Variants in TTL observed in about 807,000 individuals in gnomAD.
TTL encodes tubulin--tyrosine ligase.
In TTL, 10 loss-of-function variants were observed where a neutral mutation model predicts 41.1. The ratio of observed to expected loss-of-function variants is 0.24; its 90% CI spans 0.15 to 0.41. TTL has a LOEUF of 0.41. Among genes scored for constraint, TTL ranks in the 10% least tolerant of loss-of-function variants. TTL has a pLI of 1.00. For synonymous variants in TTL, 175 were observed against 175.5 expected, an observed-to-expected ratio of 1.00 and a Z score of 0.02; for missense variants, 367 against 460.4, an observed-to-expected ratio of 0.80 and a Z score of 1.86.
Position 112,528,677 on chromosome 2 carries a change from T to G in TTL, c.1020-4T>G. 6.2e-7 allele frequency: 1 copy of G among 1,610,000 alleles called. No homozygotes were observed. Among genetic ancestry groups the G allele is most frequent in the Middle Eastern group, 1.7e-4 (1 of 6,046 alleles). ...TCAATGATATTTTTAAAAACACATT[T>G]CAGGAAGCTCTATGCAGAACTGTGC... On this transcript the variant is annotated splice_region_variant and splice_polypyrimidine_tract_variant and intron_variant, in intron 6 of 6. Coordinates refer to ENST00000233336, the MANE Select transcript of TTL (RefSeq NM_153712.5).
chr2:112,532,801 G>A lies in TTL; in HGVS notation c.*4006G>A. The A allele has an allele frequency of 1.3e-5, 1 of 79,762 alleles. No homozygotes were observed. The allele number at this position is 79,762 out of a possible 1,614,324, so 4.9% of individuals were successfully genotyped here. A position where few individuals can be genotyped will look rare whatever the true frequency, so the allele number is the denominator to read the frequency against. On this transcript the variant is annotated 3_prime_UTR_variant, in exon 7 of 7. Coordinates refer to ENST00000233336, the MANE Select transcript of TTL (RefSeq NM_153712.5). The stretch of plus-strand genomic sequence containing the variant: ...TAGGCCGTATAAAAGCAGGCCAGAT[G>A]TGCAGTAATTTGCTGACCCCAGGAT...
At chr2:112,489,198 G>A (rs1334991606) in intron 2 of TTL, among the ~76,000 whole-genome samples, 3 of 152,024 alleles carry the variant, frequency 2.0e-5, no homozygotes, top group African/African-American at 4.8e-5. Context: ...TATATTTTAC[G>A]TTCTTTTATT....
intron 4 of TTL, among the ~76,000 whole-genome samples, chr2:112,502,157 C>T (rs1471310227): frequency 1.3e-5 from 2 of 152,170 alleles, no homozygotes; most frequent in East Asian, 3.9e-4. Context: ...AGCCCTCCCT[C>T]TCCAACTTAC....
At position 112,532,551 on chromosome 2, in the gene TTL, G is replaced by A. The variant is rs1281629794; in HGVS notation, c.*3756G>A. 4 of 202,212 alleles carry A rather than the reference G, an allele frequency of 2.0e-5. No individual in the cohort carries two copies. In the East Asian group the frequency reaches 2.3e-4, roughly 11 times the overall value. The allele number at this position is 202,212 out of a possible 1,614,324, so 12.5% of individuals were successfully genotyped here. A position where few individuals can be genotyped will look rare whatever the true frequency, so the allele number is the denominator to read the frequency against. On this transcript the variant is annotated 3_prime_UTR_variant, in exon 7 of 7. Coordinates refer to ENST00000233336, the MANE Select transcript of TTL (RefSeq NM_153712.5). ...AGGATCGCTTGAGGCTGAGGTGTGA[G>A]GCTGCAGTGAACCATGTTCACACCA...
intron 5 of TTL, among the ~76,000 whole-genome samples, chr2:112,509,443 A>C (rs1681861754): frequency 6.6e-6 from 1 of 152,112 alleles, no homozygotes; most frequent in Admixed American, 6.5e-5. Flanking sequence ...TTGATCTCAG[A>C]CTGCTGTGCT....
intron 6 of TTL, among the ~76,000 whole-genome samples, chr2:112,521,999 AT>A (rs1559019985): frequency 6.6e-6 from 1 of 151,998 alleles, no homozygotes; most frequent in African/African-American, 2.4e-5. Context: ...GTCCTTTCCT[AT>A]CAGGGGTTTG....
chr2:112,488,743 G>A (rs1322437243), intron 2 of TTL, among the ~76,000 whole-genome samples: 8 of 148,428 alleles, frequency 5.4e-5, no homozygotes, highest in Non-Finnish European at 1.0e-4. Context: ...GGGAGACAGA[G>A]TGAGACTCCT....
At position 112,539,251 on chromosome 2, in the gene TTL, C is replaced by T. The variant is rs1325831633; in HGVS notation, c.*10456C>T. The T allele has an allele frequency of 6.6e-6, 1 of 152,038 alleles. No homozygotes were observed. The highest frequency in any genetic ancestry group is 2.4e-5 in the African/African-American group (1 of 41,370). 9.4% of individuals were successfully genotyped at this position (152,038 alleles called of 1,614,324 possible). ...TACCTGGGTGACAGGTTCAACCATA[C>T]CCCAGACCTCAGCATCACCCAATAT... On this transcript the variant is annotated 3_prime_UTR_variant, in exon 7 of 7. Transcript: ENST00000233336.
chr2:112,485,369 G>A (rs1229581571), intron 1 of TTL, among the ~76,000 whole-genome samples: 3 of 152,216 alleles, frequency 2.0e-5, no homozygotes, highest in Non-Finnish European at 4.4e-5. Flanking sequence ...ATGGAATGCG[G>A]CACAGAAGAA....
intron 5 of TTL, among the ~76,000 whole-genome samples, chr2:112,513,355 T>C (rs1175552953): frequency 6.6e-6 from 1 of 152,068 alleles, no homozygotes; most frequent in Non-Finnish European, 1.5e-5. Context: ...TGAGATTCTC[T>C]CTGGTATCAT....
In TTL at chr2:112,501,856, AC is replaced by A. The variant is rs1197366152; in HGVS notation, c.605+516del. Among the ~76,000 whole-genome samples the A allele has an allele frequency of 2.4e-5, 3 of 124,284 alleles. No individual in the cohort carries two copies. In the Admixed American group the frequency reaches 2.6e-4, roughly 11 times the overall value. The allele number at this position is 124,284 out of a possible 152,430, so 81.5% of individuals were successfully genotyped here. On this transcript the variant is annotated intron_variant, in intron 4 of 6. Coordinates refer to ENST00000233336, the MANE Select transcript of TTL (RefSeq NM_153712.5). ...ACTCCAGCCTGGGTAACAGAGTGAG[AC>A]TCCTGTGTCAAAAAAAAAAAAAAAA...
At chr2:112,501,489 CTT>C in intron 4 of TTL, 148 bp downstream of exon 4, 1 of 571,374 alleles carries the variant, frequency 1.8e-6, no homozygotes, top group Non-Finnish European at 2.9e-6. Context: ...TGGAACTTAC[CTT>C]CTGTACCTAA....
At chr2:112,515,835 TACTC>T (rs946294802) in intron 5 of TTL, among the ~76,000 whole-genome samples, 2 of 152,216 alleles carry the variant, frequency 1.3e-5, no homozygotes, top group African/African-American at 2.4e-5. Flanking sequence ...TAGTCCCAGT[TACTC>T]AGGAGGCTGA....
chr2:112,531,756 T>C lies in TTL; in HGVS notation c.*2961T>C. 4.5e-6 allele frequency: 1 copy of C among 224,104 alleles called. No homozygotes were observed. The allele number at this position is 224,104 out of a possible 1,614,324, so 13.9% of individuals were successfully genotyped here. ...ATGACCGGATGTTGCCGTATGTATT[T>C]ATGGCACAAGCAGGTGTTGTCTAAG... is the stretch of plus-strand genomic sequence containing the variant. On this transcript the variant is annotated 3_prime_UTR_variant, in exon 7 of 7. Coordinates refer to ENST00000233336, the MANE Select transcript of TTL (RefSeq NM_153712.5).
rs189901807 is a variant in TTL at position 112,534,486 on chromosome 2, G to T, written c.*5691G>T. 1.3e-5 allele frequency: 2 copies of T among 152,896 alleles called. No homozygotes were observed. The highest frequency in any genetic ancestry group is 4.8e-5 in the African/African-American group (2 of 41,542). 9.5% of individuals were successfully genotyped at this position (152,896 alleles called of 1,614,324 possible). A position where few individuals can be genotyped will look rare whatever the true frequency, so the allele number is the denominator to read the frequency against. On this transcript the variant is annotated 3_prime_UTR_variant, in exon 7 of 7. Transcript: ENST00000233336. ...TCCAGCAGCAGAGCAGCCACCGTAGGGCTCAGAAGGGGATTGGAACTCCTC... is the reference window on the plus strand; with the variant it reads ...TCCAGCAGCAGAGCAGCCACCGTAGTGCTCAGAAGGGGATTGGAACTCCTC...
chr2:112,522,571 T>G (rs1042373001), intron 6 of TTL: 1 of 152,410 alleles, frequency 6.6e-6, no homozygotes, highest in Non-Finnish European at 1.5e-5. Flanking sequence ...TCTCTGTGTA[T>G]GTGATCTCAT....
rs2104482004 is a variant in TTL at position 112,530,529 on chromosome 2, T to C, written c.*1734T>C. ...TGTTTGGGAAATTCTGAGATGGGAG[T>C]GAGATCTGATCGGATCCTGGGAAGA... On this transcript the variant is annotated 3_prime_UTR_variant, in exon 7 of 7. Coordinates refer to ENST00000233336, the MANE Select transcript of TTL (RefSeq NM_153712.5). 1 of 228,892 alleles carries C rather than the reference T, an allele frequency of 4.4e-6. No individual in the cohort carries two copies. Among genetic ancestry groups the C allele is most frequent in the South Asian group, 1.8e-4 (1 of 5,470 alleles). 14.2% of individuals were successfully genotyped at this position (228,892 alleles called of 1,614,324 possible).
At chr2:112,514,804 C>T (rs1195407851) in intron 5 of TTL, among the ~76,000 whole-genome samples, 1 of 152,012 alleles carries the variant, frequency 6.6e-6, no homozygotes, top group African/African-American at 2.4e-5. Flanking sequence ...TCTTTTGATC[C>T]ATTCTCCTCT....
intron 3 of TTL, among the ~76,000 whole-genome samples, chr2:112,495,501 A>G (rs1681501067): frequency 6.6e-6 from 1 of 152,216 alleles, no homozygotes; most frequent in Non-Finnish European, 1.5e-5. Flanking sequence ...TTCCCAATGT[A>G]ATGAACACAT....
Sources: gnomAD v4.1 joint callset for allele counts (sites outside exome capture counted in the v4.1 genomes callset) on GRCh38, gnomAD v4.1.1 for gene constraint, MANE v1.5 for transcripts, NCBI Gene and HGNC (gene_info 2026-07-23, HGNC 2026-07-21) for gene names.